Variants in CYFIP1 observed in about 807,000 individuals in gnomAD.
CYFIP1 encodes the protein cytoplasmic FMR1-interacting protein 1.
In CYFIP1, 58 loss-of-function variants were observed where a neutral mutation model predicts 163.5. The observed-to-expected ratio is 0.35, with a 90% CI of 0.29 to 0.44. CYFIP1 has a LOEUF of 0.44. Ranked by LOEUF, CYFIP1 falls within the 20% of genes least tolerant of loss-of-function variation. The pLI, the probability that CYFIP1 is intolerant of heterozygous loss-of-function variation, is 1.00. For missense variants in CYFIP1, 1,338 were observed against 1,653.8 expected (o/e 0.81, Z 3.31); for synonymous variants, 663 against 660.7 (o/e 1.00, Z -0.05).
intron 1 of CYFIP1, among the ~76,000 whole-genome samples, chr15:22,957,615 G>C (rs7168839): frequency 6.6e-6 from 1 of 151,554 alleles, no homozygotes; most frequent in Admixed American, 6.6e-5. Context: ...CAGCCTGGGC[G>C]ACAGAGCAAG....
Position 22,909,456 on chromosome 15 carries a change from A to G in CYFIP1, c.2269-143T>C, listed in dbSNP as rs906780779. 1.1e-5 allele frequency: 10 copies of G among 921,828 alleles called. No homozygotes were observed. The African/African-American group carries it at 1.2e-4, about 11-fold the overall frequency. 57.1% of individuals were successfully genotyped at this position (921,828 alleles called of 1,614,324 possible). ...CCACGTTCAAGACCCATCTCCCCAC[A>G]TACATGGCAGCCTGTGTGTGTCTTT... On this transcript the variant is annotated intron_variant, in intron 20 of 30. Transcript: ENST00000617928.
At chr15:22,885,771 T>C (rs2059911089) in intron 23 of CYFIP1, among the ~76,000 whole-genome samples, 1 of 152,034 alleles carries the variant, frequency 6.6e-6, no homozygotes, top group South Asian at 2.1e-4. Flanking sequence ...TCAACAAGTC[T>C]CTAGAGAGTT....
chr15:22,953,013 G>T (rs973454364), intron 1 of CYFIP1, among the ~76,000 whole-genome samples: 1 of 152,226 alleles, frequency 6.6e-6, no homozygotes, highest in African/African-American at 2.4e-5. Flanking sequence ...CATCCGCCTT[G>T]GTGTGTGATG....
Position 22,917,104 on chromosome 15 carries a change from C to A in CYFIP1, c.1675-474G>T. The stretch of plus-strand genomic sequence containing the variant: ...TCGACACACACACCCCAGGCAGGGA[C>A]ACGGGACGCACGCAGAGGGAGGCAG... On this transcript the variant is annotated intron_variant, in intron 15 of 30. Coordinates refer to ENST00000617928, the MANE Select transcript of CYFIP1 (RefSeq NM_014608.6). The surrounding 1 kb of genome is among the most constrained non-coding windows in gnomAD (Gnocchi z 4.2). 2 of 1,459,872 alleles carry A rather than the reference C, an allele frequency of 1.4e-6. No individual in the cohort carries two copies. Among genetic ancestry groups the A allele is most frequent in the South Asian group, 2.9e-5 (2 of 69,154 alleles). 90.4% of individuals were successfully genotyped at this position (1,459,872 alleles called of 1,614,324 possible). A position where few individuals can be genotyped will look rare whatever the true frequency, so the allele number is the denominator to read the frequency against.
intron 13 of CYFIP1, 44 bp downstream of exon 13, chr15:22,925,938 A>C: frequency 1.9e-6 from 3 of 1,601,946 alleles, no homozygotes; most frequent in Non-Finnish European, 1.7e-6. Context: ...GATGGTGTGA[A>C]GCTAGAGCGA....
At position 22,910,746 on chromosome 15, in the gene CYFIP1, A is replaced by G. The variant is rs777595447; in HGVS notation, c.2150T>C (p.Met717Thr). Reference sequence around the variant, plus strand: ...CACACCAGATACTCACCTTCCTGCCATAACCTTATAATAGGCAAATATCTG... The same window carrying G: ...CACACCAGATACTCACCTTCCTGCCGTAACCTTATAATAGGCAAATATCTG... ...ADQIFAYYKV[M>T]AGSLLLDKRL... The change falls in exon 19 of 31, where the codon ATG (methionine) becomes ACG (threonine). Residue 717 changes from methionine to threonine, a missense_variant. Physicochemically the swap from Met to Thr is moderately conservative, Grantham distance 81. This residue lies in a region of CYFIP1 where 824 missense variants were observed against 995.7 expected (regional missense o/e 0.83). Transcript: ENST00000617928. The G allele has an allele frequency of 1.2e-5, 20 of 1,613,584 alleles. No individual in the cohort carries two copies. Among genetic ancestry groups the G allele is most frequent in the Non-Finnish European group, 1.7e-5 (20 of 1,179,456 alleles).
intron 23 of CYFIP1, 67 bp downstream of exon 23, chr15:22,892,823 A>T: frequency 8.1e-7 from 1 of 1,238,972 alleles, no homozygotes; most frequent in Non-Finnish European, 1.2e-6. Flanking sequence ...CAAACCAATT[A>T]AACTACACTT....
intron 23 of CYFIP1, among the ~76,000 whole-genome samples, chr15:22,888,867 C>A (rs28528109): frequency 6.6e-6 from 1 of 152,008 alleles, no homozygotes; most frequent in Non-Finnish European, 1.5e-5. Flanking sequence ...ATGGTGAAAC[C>A]CTGTCTCGAC....
chr15:22,900,166 C>T (rs1173335525), intron 22 of CYFIP1, among the ~76,000 whole-genome samples: 1 of 152,016 alleles, frequency 6.6e-6, no homozygotes, highest in Non-Finnish European at 1.5e-5. Flanking sequence ...GGTCCTTGAC[C>T]CAATATGACT....
In CYFIP1 at chr15:22,868,911, C is replaced by G. The variant is rs940632206; in HGVS notation, c.*1117G>C. 6.3e-4 allele frequency: 77 copies of G among 121,862 alleles called. No individual in the cohort carries two copies. Among genetic ancestry groups the G allele is most frequent in the African/African-American group, 2.4e-3 (71 of 29,980 alleles). The allele number at this position is 121,862 out of a possible 1,614,324, so 7.5% of individuals were successfully genotyped here. ...ATCTGTAGTATTCATCTACAATAAA[C>G]AGGCATAGCATCTTTTTCCATTCAG... On this transcript the variant is annotated 3_prime_UTR_variant, in exon 31 of 31. Coordinates refer to ENST00000617928, the MANE Select transcript of CYFIP1 (RefSeq NM_014608.6).
At chr15:22,938,383 T>C (rs1419884033) in intron 8 of CYFIP1, among the ~76,000 whole-genome samples, 3 of 152,080 alleles carry the variant, frequency 2.0e-5, no homozygotes, top group East Asian at 1.9e-4. Context: ...GGCAAGAAGA[T>C]TGCTTGAGCC....
rs749703840 is a variant in CYFIP1 at position 22,939,175 on chromosome 15, C to T, written c.795+17G>A. ...GTCCCTCGGCAGTGCCACGGGCTAGCGTCCCCACACACGTACTTTGAGAAG... is the reference window on the plus strand; with the variant it reads ...GTCCCTCGGCAGTGCCACGGGCTAGTGTCCCCACACACGTACTTTGAGAAG... On this transcript the variant is annotated intron_variant, in intron 8 of 30. Coordinates refer to ENST00000617928, the MANE Select transcript of CYFIP1 (RefSeq NM_014608.6). 4.1e-5 allele frequency: 66 copies of T among 1,613,910 alleles called. No homozygotes were observed. The highest frequency in any genetic ancestry group is 3.8e-4 in the Admixed American group (23 of 59,992).
Position 22,909,259 on chromosome 15 carries a change from C to T in CYFIP1, c.2323G>A (p.Ala775Thr). ...NRLITQRVSA[A>T]MYKSLELAIG... is the part of the protein sequence containing the mutation. ...GCCAGTTCTAGGGACTTATACATGG[C>T]TGCTGAGACGCGCTGGGTGATCAGA... The change falls in exon 21 of 31, where the codon GCC becomes ACC. Residue 775 changes from alanine to threonine, a missense_variant. Physicochemically the swap from Ala to Thr is moderately conservative, Grantham distance 58. Coordinates refer to ENST00000617928, the MANE Select transcript of CYFIP1 (RefSeq NM_014608.6). The T allele has an allele frequency of 6.2e-7, 1 of 1,614,194 alleles. No homozygotes were observed. The highest frequency in any genetic ancestry group is 8.5e-7 in the Non-Finnish European group (1 of 1,180,028).
Position 22,881,942 on chromosome 15 carries a change from G to A in CYFIP1, c.2821-6C>T, listed in dbSNP as rs768695368. The A allele has an allele frequency of 2.5e-5, 40 of 1,610,820 alleles. 1 individual carries two copies. The highest frequency in any genetic ancestry group is 3.1e-5 in the Non-Finnish European group (37 of 1,179,588). ...TGCAGGATTGTGCCTTGCAGCTGCC[G>A]GGGAGATGAGACGGGCTGCGTCAGC... On this transcript the variant is annotated splice_polypyrimidine_tract_variant and splice_region_variant and intron_variant, in intron 24 of 30. Transcript: ENST00000617928.
chr15:22,951,454 C>G (rs946082228), intron 1 of CYFIP1: 2 of 1,289,350 alleles, frequency 1.6e-6, no homozygotes, highest in Admixed American at 2.3e-5. Flanking sequence ...TTGGTGTCCA[C>G]GCAGGCACCT....
At chr15:22,908,518 CTTTTTTTTTTTTTTTTTTT>C (rs58565266) in intron 21 of CYFIP1, among the ~76,000 whole-genome samples, 1 of 75,480 alleles carries the variant, frequency 1.3e-5, no homozygotes, top group Non-Finnish European at 2.4e-5. Flanking sequence ...GAAGATATTT[CTTTTTTTTTTTTTTTTTTT>C]TTTTTTTTTT....
intron 6 of CYFIP1, among the ~76,000 whole-genome samples, chr15:22,942,636 A>G (rs1009550559): frequency 3.3e-5 from 5 of 152,150 alleles, no homozygotes; most frequent in African/African-American, 1.2e-4. Context: ...CTCTACATCC[A>G]GAAAGAAAAC....
At chr15:22,874,889 G>A (rs1055029063) in intron 27 of CYFIP1, among the ~76,000 whole-genome samples, 7 of 151,994 alleles carry the variant, frequency 4.6e-5, no homozygotes, top group Non-Finnish European at 1.0e-4. Context: ...AGCAGAAAAT[G>A]GCACAATGAG....
At chr15:22,884,838 C>A (rs772106807) in intron 23 of CYFIP1, among the ~76,000 whole-genome samples, 15 of 152,100 alleles carry the variant, frequency 9.9e-5, no homozygotes, top group Non-Finnish European at 1.3e-4. Flanking sequence ...TCCAACACCA[C>A]GCGGAAGCCA....
Sources: allele counts gnomAD v4.1 joint callset (sites outside exome capture counted in the v4.1 genomes callset), GRCh38; gene constraint gnomAD v4.1.1; regional missense constraint gnomAD v4.1.1; non-coding constraint Gnocchi (gnomAD v3.1); transcripts MANE v1.5; gene names NCBI Gene and HGNC (gene_info 2026-07-23, HGNC 2026-07-21).